The following BIK variants were observed in gnomAD, a reference collection of about 807,000 sequenced individuals.
BIK encodes the protein BCL2 interacting killer, also known as bcl-2-interacting killer.
Under a neutral mutation model 12.1 loss-of-function variants are expected in BIK, and 14 were observed. The observed-to-expected ratio is 1.16, with a 90% confidence interval of 0.77 to 1.81. BIK has a LOEUF of 1.81. BIK is among the 40% of genes most tolerant of loss of function. The pLI, the probability that BIK is intolerant of heterozygous loss-of-function variation, is 0.00. For synonymous variants in BIK, 86 were observed against 92.3 expected (o/e 0.93, Z 0.39); for missense variants, 215 against 207.9 (o/e 1.03, Z -0.21).
rs1406265904 is a variant in BIK at position 43,127,101 on chromosome 22, T to C, written c.162-596T>C. ...GGTGGGGAGTGTCTTAGTCTTTGTG[T>C]GGGAGTGAATGCGGGTGGGGTGTAG... On this transcript the variant is annotated intron_variant, in intron 2 of 4. Coordinates refer to ENST00000216115, the MANE Select transcript of BIK (RefSeq NM_001197.5). Among the ~76,000 whole-genome samples the C allele has an allele frequency of 2.6e-5, 4 of 152,002 alleles. No homozygotes were observed. The East Asian group carries it at 7.7e-4, about 29-fold the overall frequency.
In BIK at chr22:43,129,255, G is replaced by A; in HGVS notation, c.433G>A (p.Ala145Thr). 6.3e-7 allele frequency: 1 copy of A among 1,593,354 alleles called. No homozygotes were observed. Residue 145 changes from alanine to threonine, a missense_variant, in exon 5 of 5, where the codon GCG (alanine) becomes ACG (threonine). Coordinates refer to ENST00000216115, the MANE Select transcript of BIK (RefSeq NM_001197.5). ...GCTGCTGGCGCTGCTGCTGCTGCTGGCGCTGCTGCTGCCGCTGCTCAGCGG... is the reference window on the plus strand; with the variant it reads ...GCTGCTGGCGCTGCTGCTGCTGCTGACGCTGCTGCTGCCGCTGCTCAGCGG... Reference protein sequence around the residue: ...QVLLALLLLLALLLPLLSGGL... With the variant: ...QVLLALLLLLTLLLPLLSGGL...
Position 43,116,925 on chromosome 22 carries a change from G to C in BIK, c.-8+6122G>C, listed in dbSNP as rs531336746. Among the ~76,000 whole-genome samples, 31 of 152,274 alleles carry C rather than the reference G, an allele frequency of 2.0e-4. 1 individual carries two copies. In the South Asian group the frequency reaches 6.0e-3, roughly 30 times the overall value. On this transcript the variant is annotated intron_variant, in intron 1 of 4. Coordinates refer to ENST00000216115, the MANE Select transcript of BIK (RefSeq NM_001197.5). ...ACTGCACTCCAGCCTGGGTGACAGA[G>C]AGACCCTGTCTCAAAATAGTAATAC...
intron 1 of BIK, 75 bp from the exon 2 acceptor site, chr22:43,123,941 G>A: frequency 6.7e-7 from 1 of 1,502,188 alleles, no homozygotes; most frequent in South Asian, 1.2e-5. Context: ...ATACAATCTG[G>A]GGGTCATCCT....
At chr22:43,114,441 T>A (rs1253030919) in intron 1 of BIK, among the ~76,000 whole-genome samples, 1 of 152,120 alleles carries the variant, frequency 6.6e-6, no homozygotes, top group Non-Finnish European at 1.5e-5. Flanking sequence ...TAGCTGAGAT[T>A]ACAGGCGCGT....
intron 1 of BIK, among the ~76,000 whole-genome samples, chr22:43,113,159 A>C (rs2147016347): frequency 6.6e-6 from 1 of 152,280 alleles, no homozygotes; most frequent in Admixed American, 6.5e-5. Context: ...AGCGGAGATC[A>C]CACCATGGCA....
At chr22:43,128,426 A>C in intron 3 of BIK, 70 bp from the exon 4 acceptor site, 1 of 1,555,510 alleles carries the variant, frequency 6.4e-7, no homozygotes, top group Non-Finnish European at 8.9e-7. Context: ...TGATGGTGTC[A>C]TCTAAGTACA....
At chr22:43,117,993 T>C (rs1033249366) in intron 1 of BIK, among the ~76,000 whole-genome samples, 2 of 152,158 alleles carry the variant, frequency 1.3e-5, no homozygotes, top group Non-Finnish European at 2.9e-5. Context: ...ATTTTTAAAA[T>C]TTTTTATTGT....
chr22:43,127,239 T>C (rs1930334396), intron 2 of BIK, among the ~76,000 whole-genome samples: 1 of 152,008 alleles, frequency 6.6e-6, no homozygotes, highest in Non-Finnish European at 1.5e-5. Context: ...ACACAGGTCT[T>C]AGAGCCCCCT....
intron 3 of BIK, 37 bp downstream of exon 3, chr22:43,127,832 AG>A: frequency 1.3e-6 from 2 of 1,528,852 alleles, no homozygotes. Context: ...ACACCTGGGG[AG>A]GGGCCCTGGG....
At chr22:43,123,750 CAAAG>C (rs371105360) in intron 1 of BIK, among the ~76,000 whole-genome samples, 37 of 152,206 alleles carry the variant, frequency 2.4e-4, no homozygotes, top group African/African-American at 4.6e-4. Context: ...TATCCAAAAA[CAAAG>C]AAAGAAAGAA....
chr22:43,128,333 G>C (rs1310757159), intron 3 of BIK, among the ~76,000 whole-genome samples, 163 bp from the exon 4 acceptor site: 1 of 152,216 alleles, frequency 6.6e-6, no homozygotes, highest in Non-Finnish European at 1.5e-5. Flanking sequence ...ATACCACGCG[G>C]CCCCTGCAGG....
chr22:43,121,097 C>T (rs1161776859), intron 1 of BIK, among the ~76,000 whole-genome samples: 2 of 152,130 alleles, frequency 1.3e-5, no homozygotes, highest in Admixed American at 6.5e-5. Flanking sequence ...ATCACTTGAA[C>T]CTGGGAGGCG....
intron 1 of BIK, among the ~76,000 whole-genome samples, chr22:43,113,722 T>C (rs555552713): frequency 6.6e-6 from 1 of 152,340 alleles, no homozygotes; most frequent in East Asian, 1.9e-4. Flanking sequence ...CTGGTGGTAT[T>C]TTCCCCTCTC....
intron 1 of BIK, among the ~76,000 whole-genome samples, chr22:43,116,424 G>T (rs1930114534): frequency 6.6e-6 from 1 of 151,820 alleles, no homozygotes; most frequent in Non-Finnish European, 1.5e-5. Flanking sequence ...CCTCCAAAAG[G>T]CTAAGCTGTG....
chr22:43,114,816 A>G (rs1930079870), intron 1 of BIK, among the ~76,000 whole-genome samples: 1 of 152,208 alleles, frequency 6.6e-6, no homozygotes, highest in Non-Finnish European at 1.5e-5. Flanking sequence ...GCTGCCTCTT[A>G]GTGGGCACTT....
At chr22:43,117,297 G>GA (rs2147019527) in intron 1 of BIK, among the ~76,000 whole-genome samples, 1 of 150,550 alleles carries the variant, frequency 6.6e-6, no homozygotes, top group South Asian at 2.1e-4. Flanking sequence ...TGTTTAAAGA[G>GA]AAAAAAGTGA....
rs577646309 is a variant in BIK, at chr22:43,128,933, C to T, written c.391-280C>T. On this transcript the variant is annotated intron_variant, in intron 4 of 4. Coordinates refer to ENST00000216115, the MANE Select transcript of BIK (RefSeq NM_001197.5). ...GTAGCCTGGTCCCATGGTGTCCACT[C>T]GGCACCGCCCACCACAAGGGCAGCT... Among the ~76,000 whole-genome samples, 13 of 152,344 alleles carry T rather than the reference C, an allele frequency of 8.5e-5. 1 individual carries two copies. Among genetic ancestry groups the T allele is most frequent in the South Asian group, 4.1e-4 (2 of 4,826 alleles).
chr22:43,120,799 C>T (rs939898111), intron 1 of BIK, among the ~76,000 whole-genome samples: 1 of 152,198 alleles, frequency 6.6e-6, no homozygotes, highest in Non-Finnish European at 1.5e-5. Flanking sequence ...GGATCTTTGC[C>T]ATTCATATCA....
chr22:43,123,782 T>C (rs1392779610), intron 1 of BIK, among the ~76,000 whole-genome samples: 1 of 152,126 alleles, frequency 6.6e-6, no homozygotes, highest in Non-Finnish European at 1.5e-5. Flanking sequence ...TTATGAATCA[T>C]CTTCAAGTTC....
Sources: gnomAD v4.1 joint callset for allele counts (sites outside exome capture counted in the v4.1 genomes callset) on GRCh38, gnomAD v4.1.1 for gene constraint, MANE v1.5 for transcripts, NCBI Gene and HGNC (gene_info 2026-07-23, HGNC 2026-07-21) for gene names.